Variants in EBF4 observed in about 807,000 individuals in gnomAD.
The protein encoded by EBF4 is transcription factor COE4.
A neutral mutation model predicts 67.1 loss-of-function variants in EBF4; 34 were observed. That is an observed-to-expected ratio of 0.51 (90% CI 0.39 to 0.67). The LOEUF is 0.67. Ranked by LOEUF, EBF4 falls within the 30% of genes least tolerant of loss-of-function variation. The pLI is 0.00. For synonymous variants in EBF4, 387 were observed against 377.7 expected (o/e 1.02, Z -0.29); for missense variants, 837 against 873.3 (o/e 0.96, Z 0.52).
chr20:2,700,253 C>T (rs2087354702), intron 1 of EBF4, among the ~76,000 whole-genome samples: 1 of 152,050 alleles, frequency 6.6e-6, no homozygotes, highest in South Asian at 2.1e-4. Context: ...ACCCCCAACC[C>T]CCAGTGTTTC....
chr20:2,741,746 C>T (rs1235818763), intron 6 of EBF4, among the ~76,000 whole-genome samples: 1 of 152,158 alleles, frequency 6.6e-6, no homozygotes, highest in Non-Finnish European at 1.5e-5. Context: ...CCTTTAGATA[C>T]TTCATTAGTT....
chr20:2,749,702 C>T (rs2088109220), exon 9 of EBF4: 2 of 1,559,470 alleles, frequency 1.3e-6, no homozygotes, highest in South Asian at 1.2e-5. Flanking sequence ...TCGGCGACAA[C>T]TTCTTCGACG....
chr20:2,693,471 C>G (rs1443783085), upstream of EBF4: 1 of 709,650 alleles, frequency 1.4e-6, no homozygotes, highest in Non-Finnish European at 2.0e-6. The surrounding 1 kb of genome is among the most constrained non-coding windows in gnomAD (Gnocchi z 4.6). Flanking sequence ...CCGGCGCCCG[C>G]GGACCCGCTT....
At position 2,749,839 on chromosome 20, in the gene EBF4, C is replaced by T. The variant is rs111976515; in HGVS notation, c.892-8C>T. The T allele has an allele frequency of 1.4e-3, 2,141 of 1,548,084 alleles. 32 individuals are homozygous for T. The African/African-American group carries it at 0.026, about 19-fold the overall frequency. On this transcript the variant is annotated splice_region_variant and splice_polypyrimidine_tract_variant and intron_variant, in intron 9 of 16. Coordinates refer to ENST00000609451, the Ensembl canonical transcript of EBF4. ...CGGGACCTGCAGGCCTCCCCTCTCC[C>T]CTCGCAGCTCATCACGCCCCACGCC...
exon 13 of EBF4, chr20:2,752,143 G>A (rs1472976026): frequency 1.4e-6 from 2 of 1,446,688 alleles, no homozygotes; most frequent in Admixed American, 2.6e-5. Flanking sequence ...CACCCCCCGC[G>A]CACCCGGGCC....
At position 2,751,822 on chromosome 20, in the gene EBF4, G is replaced by T; in HGVS notation, c.1107+34G>T. Reference sequence around the variant, plus strand: ...AGGGGCGGGGCGGGGCGGGGCTGAGGGTGTCCTGTGGGCAAGGGGGTGAGG... The same window carrying T: ...AGGGGCGGGGCGGGGCGGGGCTGAGTGTGTCCTGTGGGCAAGGGGGTGAGG... On this transcript the variant is annotated intron_variant, in intron 11 of 16. Coordinates refer to ENST00000609451, the Ensembl canonical transcript of EBF4. The surrounding 1 kb of genome is among the most constrained non-coding windows in gnomAD (Gnocchi z 5.2). 1 of 1,548,934 alleles carries T rather than the reference G, an allele frequency of 6.5e-7. No homozygotes were observed. Among genetic ancestry groups the T allele is most frequent in the Non-Finnish European group, 8.7e-7 (1 of 1,146,278 alleles).
In EBF4 at chr20:2,739,206, A is replaced by G. The variant is rs903347942; in HGVS notation, c.558-9343A>G. On this transcript the variant is annotated intron_variant, in intron 6 of 16. Transcript: ENST00000609451. This position sits in a 1 kb window ranked among gnomAD's most constrained non-coding sequence, Gnocchi z 4.5. Reference sequence around the variant, plus strand: ...GGGAGACATCCCCTGTAGCCTTCCCATCACCCAGAGGATCCAAGTCCCGCA... The same window carrying G: ...GGGAGACATCCCCTGTAGCCTTCCCGTCACCCAGAGGATCCAAGTCCCGCA... Among the ~76,000 whole-genome samples, 1 of 151,958 alleles carries G rather than the reference A, an allele frequency of 6.6e-6. No individual in the cohort carries two copies. Among genetic ancestry groups the G allele is most frequent in the Non-Finnish European group, 1.5e-5 (1 of 67,986 alleles).
rs1204063258 is a variant in EBF4 at position 2,752,676 on chromosome 20, G to A, written c.1540+131G>A. On this transcript the variant is annotated intron_variant, in intron 14 of 16. Transcript: ENST00000609451. ...AGTCGACCCTGGCTCAGCCCTCGGG[G>A]TCAGGCCCACCGTCCCCGCCTGGGA... 11 of 817,706 alleles carry A rather than the reference G, an allele frequency of 1.3e-5. No homozygotes were observed. In the Admixed American group the frequency reaches 4.4e-4, roughly 33 times the overall value. 50.7% of individuals were successfully genotyped at this position (817,706 alleles called of 1,614,324 possible). A position where few individuals can be genotyped will look rare whatever the true frequency, so the allele number is the denominator to read the frequency against.
chr20:2,711,676 C>T (rs1178134373), intron 6 of EBF4, among the ~76,000 whole-genome samples: 1 of 152,176 alleles, frequency 6.6e-6, no homozygotes, highest in Non-Finnish European at 1.5e-5. Context: ...AACTTTTCTA[C>T]ATGCTGTGGA....
chr20:2,709,684 G>C (rs547107711), intron 6 of EBF4, 42 bp downstream of exon 6: 2 of 1,487,078 alleles, frequency 1.3e-6, no homozygotes, highest in Non-Finnish European at 1.8e-6. Context: ...AGAGGAGAGT[G>C]GGGGAGGGGC....
intron 6 of EBF4, among the ~76,000 whole-genome samples, chr20:2,737,120 G>A (rs1042096436): frequency 5.0e-4 from 70 of 139,402 alleles, no homozygotes; most frequent in Non-Finnish European, 9.4e-4. Context: ...CGTGGTGGCG[G>A]GCGCCTGTAG....
intron 1 of EBF4, among the ~76,000 whole-genome samples, chr20:2,701,162 G>A (rs2087369727): frequency 6.6e-6 from 1 of 152,248 alleles, no homozygotes; most frequent in Non-Finnish European, 1.5e-5. Flanking sequence ...ATGGGTGGGT[G>A]TGAGCCTGGG....
chr20:2,759,366 G>T, exon 17 of EBF4: 1 of 265,700 alleles, frequency 3.8e-6, no homozygotes, highest in Non-Finnish European at 7.3e-6. Context: ...CCAGGGCCAT[G>T]GGCGGACCTC....
chr20:2,693,301 C>T (rs1161645596), upstream of EBF4, among the ~76,000 whole-genome samples: 1 of 149,330 alleles, frequency 6.7e-6, no homozygotes. The surrounding 1 kb of genome is among the most constrained non-coding windows in gnomAD (Gnocchi z 4.6). Flanking sequence ...CGGCCCCGGG[C>T]AGCCGCCAGA....
In EBF4 at chr20:2,755,612, C is replaced by A; in HGVS notation, c.1541-15C>A. The A allele has an allele frequency of 7.8e-7, 1 of 1,274,796 alleles. No homozygotes were observed. The allele number at this position is 1,274,796 out of a possible 1,614,324, so 79.0% of individuals were successfully genotyped here. A position where few individuals can be genotyped will look rare whatever the true frequency, so the allele number is the denominator to read the frequency against. ...CTTCCCTGCTGCGCCTGCCCCTCCCCGCCCCGCCCCGGAGTCATGCCCTCT... is the reference window on the plus strand; with the variant it reads ...CTTCCCTGCTGCGCCTGCCCCTCCCAGCCCCGCCCCGGAGTCATGCCCTCT... On this transcript the variant is annotated splice_polypyrimidine_tract_variant and intron_variant, in intron 14 of 16. Transcript: ENST00000609451. This position sits in a 1 kb window ranked among gnomAD's most constrained non-coding sequence, Gnocchi z 4.7.
intron 5 of EBF4, 102 bp downstream of exon 5, chr20:2,708,122 C>A: frequency 8.3e-7 from 1 of 1,210,604 alleles, no homozygotes; most frequent in East Asian, 2.7e-5. Flanking sequence ...TGGCTGCTCT[C>A]TGCTGCTGCT....
chr20:2,738,925 C>T (rs1600232092), intron 6 of EBF4, among the ~76,000 whole-genome samples: 2 of 152,176 alleles, frequency 1.3e-5, no homozygotes, highest in South Asian at 2.1e-4. Context: ...CTAATGTATG[C>T]GCCCTGGCTA....
chr20:2,717,968 G>A (rs1309668331), intron 6 of EBF4, among the ~76,000 whole-genome samples: 1 of 152,024 alleles, frequency 6.6e-6, no homozygotes. Context: ...ATGCCACCAT[G>A]CCCGGCTAAT....
chr20:2,708,107 G>A, intron 5 of EBF4, 87 bp downstream of exon 5: 1 of 1,353,454 alleles, frequency 7.4e-7, no homozygotes, highest in Non-Finnish European at 1.0e-6. Flanking sequence ...CGCCGCCCTT[G>A]CCCCTGGCTG....
Sources: allele counts gnomAD v4.1 joint callset (sites outside exome capture counted in the v4.1 genomes callset), GRCh38; gene constraint gnomAD v4.1.1; non-coding constraint Gnocchi (gnomAD v3.1); transcripts MANE v1.5; gene names NCBI Gene and HGNC (gene_info 2026-07-23, HGNC 2026-07-21).